ACTN4: variants seen among roughly 807,000 people sequenced by gnomAD.
ACTN4 encodes alpha-actinin-4.
Under a neutral mutation model 114.2 loss-of-function variants are expected in ACTN4, and 18 were observed. The ratio of observed to expected loss-of-function variants is 0.16; its 90% confidence interval spans 0.11 to 0.23. ACTN4 has a LOEUF of 0.23. ACTN4 is among the 10% of genes least tolerant of loss of function. The pLI is 1.00. For synonymous variants in ACTN4, 515 were observed against 506.3 expected, an observed-to-expected ratio of 1.02 and a Z score of -0.23; for missense variants, 722 against 1,262.9, an observed-to-expected ratio of 0.57 and a Z score of 6.49.
At chr19:38,695,011 A>G (rs1263268946) in intron 1 of ACTN4, among the ~76,000 whole-genome samples, 2 of 152,198 alleles carry the variant, frequency 1.3e-5, no homozygotes, top group East Asian at 3.9e-4. Context: ...AGTAGCTGGG[A>G]CTACAGGCGC....
intron 1 of ACTN4, among the ~76,000 whole-genome samples, chr19:38,692,671 G>T (rs1170335891): frequency 4.6e-5 from 7 of 152,226 alleles, no homozygotes; most frequent in Admixed American, 6.5e-5. Flanking sequence ...CCCCAGTGGG[G>T]CTAGGCCTTG....
chr19:38,647,668 T>TAGCGGCGGC lies in ACTN4; in HGVS notation c.-77_-69dup. ...CGGGCTGAAGCAGCTGAAGCGGCGGTAGCGGCGGCGGCTCGGGCAGAGGGG... is the reference window on the plus strand; with the variant it reads ...CGGGCTGAAGCAGCTGAAGCGGCGGTAGCGGCGGCAGCGGCGGCGGCTCGGGCAGAGGGG... On this transcript the variant is annotated 5_prime_UTR_variant, in exon 1 of 21. Transcript: ENST00000252699. 1 of 1,474,346 alleles carries TAGCGGCGGC rather than the reference T, an allele frequency of 6.8e-7. No individual in the cohort carries two copies. Among genetic ancestry groups the TAGCGGCGGC allele is most frequent in the South Asian group, 1.3e-5 (1 of 76,228 alleles). The allele number at this position is 1,474,346 out of a possible 1,614,324, so 91.3% of individuals were successfully genotyped here. A position where few individuals can be genotyped will look rare whatever the true frequency, so the allele number is the denominator to read the frequency against.
At chr19:38,660,203 T>A (rs980580628) in intron 1 of ACTN4, among the ~76,000 whole-genome samples, 1 of 151,900 alleles carries the variant, frequency 6.6e-6, no homozygotes, top group African/African-American at 2.4e-5. Context: ...ATTACAGGCA[T>A]GGGCCACCGC....
intron 1 of ACTN4, among the ~76,000 whole-genome samples, chr19:38,662,670 C>T (rs530071427): frequency 3.3e-5 from 5 of 152,236 alleles, no homozygotes; most frequent in African/African-American, 9.6e-5. Flanking sequence ...GAAAATGTGT[C>T]GGATTAGGTT....
In ACTN4 at chr19:38,729,652, G is replaced by A. The variant is rs781658234; in HGVS notation, c.*220G>A. The A allele has an allele frequency of 1.8e-5, 13 of 727,216 alleles. No homozygotes were observed. The highest frequency in any genetic ancestry group is 4.5e-5 in the South Asian group (3 of 67,180). 45.0% of individuals were successfully genotyped at this position (727,216 alleles called of 1,614,324 possible). On this transcript the variant is annotated 3_prime_UTR_variant, in exon 21 of 21. Transcript: ENST00000252699. ...CAGGTTGGGGAGACTTGGGGCCAGC[G>A]CTTCTGGTCTGGTAAATATGTATGA...
rs1968566432 is a variant in ACTN4, at chr19:38,709,385, C to A, written c.652-10C>A. 6.2e-7 allele frequency: 1 copy of A among 1,611,980 alleles called. No homozygotes were observed. The highest frequency in any genetic ancestry group is 1.7e-5 in the Admixed American group (1 of 60,026). On this transcript the variant is annotated splice_polypyrimidine_tract_variant and intron_variant, in intron 6 of 20. Coordinates refer to ENST00000252699, the MANE Select transcript of ACTN4 (RefSeq NM_004924.6). ...CGGAGTTCTTGTTGTCCCCACTTGCCTCCTTCTAGGACGACCCTGTCACCA... is the reference window on the plus strand; with the variant it reads ...CGGAGTTCTTGTTGTCCCCACTTGCATCCTTCTAGGACGACCCTGTCACCA...
At chr19:38,673,943 G>A (rs958901834) in intron 1 of ACTN4, among the ~76,000 whole-genome samples, 1 of 150,190 alleles carries the variant, frequency 6.7e-6, no homozygotes, top group African/African-American at 2.5e-5. Context: ...CACCACGTCC[G>A]GCTAATTTTT....
chr19:38,724,140 T>C lies in ACTN4; in HGVS notation c.1693-17T>C. On this transcript the variant is annotated splice_polypyrimidine_tract_variant and intron_variant, in intron 14 of 20. Coordinates refer to ENST00000252699, the MANE Select transcript of ACTN4 (RefSeq NM_004924.6). This position sits in a 1 kb window ranked among gnomAD's most constrained non-coding sequence, Gnocchi z 7.0. ...CTGTGGGGCTGGGCCGCCCCCTCAC[T>C]CCAGCTCCTCCCCTAGGGCCTGATC... 6.2e-7 allele frequency: 1 copy of C among 1,613,488 alleles called. No homozygotes were observed. Among genetic ancestry groups the C allele is most frequent in the Non-Finnish European group, 8.5e-7 (1 of 1,179,962 alleles).
At chr19:38,725,251 C>T (rs1274688730) in intron 16 of ACTN4, among the ~76,000 whole-genome samples, 1 of 152,164 alleles carries the variant, frequency 6.6e-6, no homozygotes, top group Non-Finnish European at 1.5e-5. Context: ...GGTCCGGGTG[C>T]CAGGCAGGTC....
chr19:38,728,262 C>T (rs1599864661), intron 19 of ACTN4: 5 of 1,529,252 alleles, frequency 3.3e-6, no homozygotes, highest in East Asian at 5.0e-5. Flanking sequence ...GGGGCGGCCC[C>T]TCTTGCCTAC....
At chr19:38,669,913 A>C (rs903948870) in intron 1 of ACTN4, among the ~76,000 whole-genome samples, 3 of 152,172 alleles carry the variant, frequency 2.0e-5, no homozygotes, top group Non-Finnish European at 4.4e-5. Flanking sequence ...AGGCAATTGC[A>C]GTCCAGCCAA....
At chr19:38,655,491 C>T (rs987367214) in intron 1 of ACTN4, among the ~76,000 whole-genome samples, 1 of 151,620 alleles carries the variant, frequency 6.6e-6, no homozygotes, top group Non-Finnish European at 1.5e-5. Flanking sequence ...TAAAATTTTC[C>T]ATGTGTGTAT....
chr19:38,664,110 G>T (rs1323491386), intron 1 of ACTN4, among the ~76,000 whole-genome samples: 1 of 152,186 alleles, frequency 6.6e-6, no homozygotes, highest in Non-Finnish European at 1.5e-5. Context: ...GCGAGGCTGG[G>T]TTGCCACAGC....
At chr19:38,681,499 G>T (rs951664958) in intron 1 of ACTN4, among the ~76,000 whole-genome samples, 10 of 152,154 alleles carry the variant, frequency 6.6e-5, no homozygotes, top group African/African-American at 2.4e-4. Context: ...TTCTCCTGGG[G>T]TCCCCAAACA....
Position 38,730,891 on chromosome 19 carries a change from A to AGGAT in ACTN4, c.*1462_*1463insTGGA. The AGGAT allele has an allele frequency of 6.4e-7, 1 of 1,551,590 alleles. No individual in the cohort carries two copies. Among genetic ancestry groups the AGGAT allele is most frequent in the Non-Finnish European group, 8.7e-7 (1 of 1,147,396 alleles). On this transcript the variant is annotated 3_prime_UTR_variant, in exon 21 of 21. Coordinates refer to ENST00000252699, the MANE Select transcript of ACTN4 (RefSeq NM_004924.6). ...CCACCTCCATCCACTAAGGAAGAGA[A>AGGAT]GGAAGACAGTGGCTTGAGGCAGGGA... is the stretch of plus-strand genomic sequence containing the variant.
chr19:38,685,646 G>T (rs996785264), intron 1 of ACTN4, among the ~76,000 whole-genome samples: 3 of 152,130 alleles, frequency 2.0e-5, no homozygotes, highest in South Asian at 2.1e-4. Flanking sequence ...TAGGAAGCCC[G>T]CAGGGACCGA....
At position 38,727,772 on chromosome 19, in the gene ACTN4, G is replaced by A. The variant is rs911800686; in HGVS notation, c.2338-174G>A. ...GTTGGGGAAAGGATGAAAGGGGCCC[G>A]TGCCGCCCCCGACCCCACGTGTCCC... On this transcript the variant is annotated intron_variant, in intron 18 of 20. Coordinates refer to ENST00000252699, the MANE Select transcript of ACTN4 (RefSeq NM_004924.6). This position sits in a 1 kb window ranked among gnomAD's most constrained non-coding sequence, Gnocchi z 5.4. 2.6e-5 allele frequency: 17 copies of A among 647,718 alleles called. No individual in the cohort carries two copies. The East Asian group carries it at 3.8e-4, about 15-fold the overall frequency. The allele number at this position is 647,718 out of a possible 1,614,324, so 40.1% of individuals were successfully genotyped here. A position where few individuals can be genotyped will look rare whatever the true frequency, so the allele number is the denominator to read the frequency against.
At chr19:38,700,175 C>T (rs1968223405) in intron 1 of ACTN4, among the ~76,000 whole-genome samples, 1 of 152,116 alleles carries the variant, frequency 6.6e-6, no homozygotes, top group Non-Finnish European at 1.5e-5. Flanking sequence ...CCGACCTGTT[C>T]ATTCCACACC....
intron 12 of ACTN4, among the ~76,000 whole-genome samples, chr19:38,722,637 C>T (rs562897009): frequency 1.8e-4 from 28 of 152,338 alleles, no homozygotes; most frequent in African/African-American, 6.3e-4. Context: ...ACAGTTGGGG[C>T]ACTCCAGGGG....
Sources: allele counts gnomAD v4.1 joint callset (sites outside exome capture counted in the v4.1 genomes callset), GRCh38; gene constraint gnomAD v4.1.1; non-coding constraint Gnocchi (gnomAD v3.1); transcripts MANE v1.5; gene names NCBI Gene and HGNC (gene_info 2026-07-23, HGNC 2026-07-21).